The following ASCL3 variants were observed in gnomAD, a reference collection of about 807,000 sequenced individuals.
The protein encoded by ASCL3 is achaete-scute homolog 3.
A neutral mutation model predicts 2.3 loss-of-function variants in ASCL3; 1 was observed. The observed-to-expected ratio is 0.44, with a 90% CI of 0.16 to 2.10. The LOEUF (loss-of-function observed/expected upper bound fraction) is 2.10. ASCL3 is among the 30% of genes most tolerant of loss of function. ASCL3 has a pLI of 0.28. For synonymous variants in ASCL3, 98 were observed against 88.5 expected (o/e 1.11, Z -0.60); for missense variants, 243 against 229.0 (o/e 1.06, Z -0.40).
chr11:8,940,360 C>T (rs1424770466), intron 1 of ASCL3, among the ~76,000 whole-genome samples: 1 of 152,090 alleles, frequency 6.6e-6, no homozygotes, highest in Non-Finnish European at 1.5e-5. Flanking sequence ...CGCATTTCTT[C>T]TTTGTGAATA....
chr11:8,940,966 G>A (rs551060358), intron 1 of ASCL3, among the ~76,000 whole-genome samples: 3 of 152,076 alleles, frequency 2.0e-5, no homozygotes, highest in Admixed American at 6.5e-5. Context: ...TTTGTTATCC[G>A]AAGGGGAGTC....
At chr11:8,942,666 A>G (rs752611234) in intron 1 of ASCL3, among the ~76,000 whole-genome samples, 1 of 152,196 alleles carries the variant, frequency 6.6e-6, no homozygotes. Flanking sequence ...TAATTGAATT[A>G]TGGAATGTTA....
chr11:8,941,342 T>C (rs2742501), intron 1 of ASCL3, among the ~76,000 whole-genome samples: 66 of 146,616 alleles, frequency 4.5e-4, no homozygotes, highest in East Asian at 9.9e-4. Context: ...CACACACACA[T>C]ACACACACAC....
chr11:8,940,092 C>G (rs529787084), intron 1 of ASCL3, among the ~76,000 whole-genome samples: 1 of 151,744 alleles, frequency 6.6e-6, no homozygotes, highest in African/African-American at 2.4e-5. Flanking sequence ...ATCCTCCTAC[C>G]TCAGCCTTCT....
intron 1 of ASCL3, among the ~76,000 whole-genome samples, chr11:8,942,008 G>T (rs1297911086): frequency 6.6e-6 from 1 of 152,134 alleles, no homozygotes. Flanking sequence ...TAAAGCAGAT[G>T]TCATCAAACC....
In ASCL3 at chr11:8,937,613, A is replaced by G. The variant is rs1307570059; in HGVS notation, c.*3T>C. 1 of 1,599,482 alleles carries G rather than the reference A, an allele frequency of 6.3e-7. No individual in the cohort carries two copies. ...TTATTCATTTCTATTTGGAAACAGC[A>G]ACTCAAACAATTCTGAACATAGGGT... On this transcript the variant is annotated 3_prime_UTR_variant, in exon 2 of 2. Coordinates refer to ENST00000531618, the MANE Select transcript of ASCL3 (RefSeq NM_020646.3).
At chr11:8,942,372 G>A (rs1853712136) in intron 1 of ASCL3, among the ~76,000 whole-genome samples, 1 of 152,140 alleles carries the variant, frequency 6.6e-6, no homozygotes, top group South Asian at 2.1e-4. Flanking sequence ...GCCTAGTGGG[G>A]TCTGGATGTG....
chr11:8,939,003 C>T (rs2064694062), intron 1 of ASCL3, among the ~76,000 whole-genome samples: 1 of 151,648 alleles, frequency 6.6e-6, no homozygotes, highest in Non-Finnish European at 1.5e-5. Context: ...CAGGGTCTTG[C>T]CATGTTGCCC....
At chr11:8,942,748 G>A (rs1448753719) in intron 1 of ASCL3, among the ~76,000 whole-genome samples, 1 of 152,156 alleles carries the variant, frequency 6.6e-6, no homozygotes, top group African/African-American at 2.4e-5. Flanking sequence ...TAGTAGCAGA[G>A]CAGGGGCCAG....
rs764766032 is a variant in ASCL3, at chr11:8,937,786, C to G, written c.376G>C (p.Glu126Gln). Residue 126 changes from glutamate to glutamine, a missense_variant, in exon 2 of 2, where the codon GAG (glutamate) becomes CAG (glutamine). Transcript: ENST00000531618. Reference sequence around the variant, plus strand: ...GTTTCCACTTTGCTGAGTCGCTTCTCCAAATACTCCTCTGGCAGATGATGG... The same window carrying G: ...GTTTCCACTTTGCTGAGTCGCTTCTGCAAATACTCCTCTGGCAGATGATGG... Reference protein sequence around the residue: ...LRHHLPEEYLEKRLSKVETLR... With the variant: ...LRHHLPEEYLQKRLSKVETLR... 43 of 1,613,946 alleles carry G rather than the reference C, an allele frequency of 2.7e-5. No homozygotes were observed. The highest frequency in any genetic ancestry group is 3.4e-5 in the Non-Finnish European group (40 of 1,180,000).
chr11:8,941,516 A>G (rs1313266628), intron 1 of ASCL3, among the ~76,000 whole-genome samples: 1 of 151,296 alleles, frequency 6.6e-6, no homozygotes, highest in African/African-American at 2.4e-5. Context: ...GACTAGGGAA[A>G]CAGCAAGGGC....
At chr11:8,939,577 A>T (rs912186967) in intron 1 of ASCL3, among the ~76,000 whole-genome samples, 13 of 152,176 alleles carry the variant, frequency 8.5e-5, no homozygotes, top group Admixed American at 5.2e-4. Context: ...TTGAGTAAGA[A>T]ACGTGATTTG....
chr11:8,937,900 A>G lies in ASCL3; in HGVS notation c.262T>C (p.Tyr88His), dbSNP rs2064687638. Reference sequence around the variant, plus strand: ...CGGGTGAAGGCTGGCCCGTAGGAGTACTCGCACCCTCTGTAATTTGGATAA... The same window carrying G: ...CGGGTGAAGGCTGGCCCGTAGGAGTGCTCGCACCCTCTGTAATTTGGATAA... Reference protein sequence around the residue: ...MPYPNYRGCEYSYGPAFTRKR... With the variant: ...MPYPNYRGCEHSYGPAFTRKR... Residue 88 changes from tyrosine (Y) to histidine (H), a missense_variant, in exon 2 of 2, where the codon TAC (tyrosine) becomes CAC (histidine). Transcript: ENST00000531618. 6.2e-7 allele frequency: 1 copy of G among 1,613,920 alleles called. No individual in the cohort carries two copies. The highest frequency in any genetic ancestry group is 1.3e-5 in the African/African-American group (1 of 74,882).
Position 8,937,630 on chromosome 11 carries a change from A to AC in ASCL3, c.531dup (p.Phe178ValfsTer?). 6.2e-7 allele frequency: 1 copy of AC among 1,612,702 alleles called. No individual in the cohort carries two copies. The highest frequency in any genetic ancestry group is 1.7e-5 in the Admixed American group (1 of 59,856). On this transcript the variant is annotated frameshift_variant, in exon 2 of 2. Transcript: ENST00000531618. LOFTEE classifies it high-confidence loss of function. ...GAAACAGCAACTCAAACAATTCTGA[A>AC]CATAGGGTCAGCATGGTGGCTGGTG...
At chr11:8,942,726 A>G (rs1314855586) in intron 1 of ASCL3, among the ~76,000 whole-genome samples, 1 of 152,208 alleles carries the variant, frequency 6.6e-6, no homozygotes, top group African/African-American at 2.4e-5. Flanking sequence ...TATGTTGCTA[A>G]GGTTACAAAG....
In ASCL3 at chr11:8,939,741, T is replaced by C. The variant is rs556163473; in HGVS notation, c.-12-1568A>G. ...GAAATTATGAATTAGTTAATGATCA[T>C]GCAACCTCAGAGGCATAGCCTTCTT... On this transcript the variant is annotated intron_variant, in intron 1 of 1. Transcript: ENST00000531618. Among the ~76,000 whole-genome samples the C allele has an allele frequency of 2.4e-4, 37 of 152,242 alleles. 1 individual carries two copies. The South Asian group carries it at 7.5e-3, about 31-fold the overall frequency.
At chr11:8,938,196 C>G (rs755101514) in intron 1 of ASCL3, 23 bp from the exon 2 acceptor site, 54 of 1,526,668 alleles carry the variant, frequency 3.5e-5, no homozygotes, top group Non-Finnish European at 4.7e-5. Context: ...CCAAGTTTAA[C>G]AATGTGGTCA....
chr11:8,941,199 G>A (rs1853689273), intron 1 of ASCL3, among the ~76,000 whole-genome samples: 1 of 152,102 alleles, frequency 6.6e-6, no homozygotes, highest in Admixed American at 6.5e-5. Context: ...CTAAAATGGA[G>A]AAGGGAAAGC....
chr11:8,938,791 C>A (rs939108018), intron 1 of ASCL3, among the ~76,000 whole-genome samples: 1 of 150,384 alleles, frequency 6.6e-6, no homozygotes, highest in Non-Finnish European at 1.5e-5. Context: ...CACCACACCA[C>A]TAGAATTCTT....
Sources: allele counts gnomAD v4.1 joint callset (sites outside exome capture counted in the v4.1 genomes callset), GRCh38; gene constraint gnomAD v4.1.1; transcripts MANE v1.5; gene names NCBI Gene and HGNC (gene_info 2026-07-23, HGNC 2026-07-21).